CACNA1I: variants seen among roughly 807,000 people sequenced by gnomAD.
CACNA1I encodes the protein voltage-dependent T-type calcium channel subunit alpha-1I.
CACNA1I carries 74 observed loss-of-function variants against 201.6 expected under a neutral mutation model. The ratio of observed to expected loss-of-function variants is 0.37; its 90% CI spans 0.30 to 0.45. The LOEUF is 0.45. Ranked by LOEUF, CACNA1I falls within the 20% of genes least tolerant of loss-of-function variation. The pLI, the probability that CACNA1I is intolerant of heterozygous loss-of-function variation, is 1.00. For synonymous variants in CACNA1I, 1,431 were observed against 1,345.2 expected (o/e 1.06, Z -1.40); for missense variants, 2,346 against 3,138.1 (o/e 0.75, Z 6.03).
At position 39,592,578 on chromosome 22, in the gene CACNA1I, T is replaced by C. The variant is rs149504605; in HGVS notation, c.237-5573T>C. Among the ~76,000 whole-genome samples the C allele has an allele frequency of 1.6e-3, 240 of 152,290 alleles. 2 individuals carry two copies. The highest frequency in any genetic ancestry group is 0.014 in the Middle Eastern group (4 of 294). ...TGAAGTAGGCGAGGCAGCTGGGCCTTGGATGCCCGTCGCAGGGCTTCAAGC... is the reference window on the plus strand; with the variant it reads ...TGAAGTAGGCGAGGCAGCTGGGCCTCGGATGCCCGTCGCAGGGCTTCAAGC... On this transcript the variant is annotated intron_variant, in intron 1 of 36. Transcript: ENST00000402142.
At chr22:39,663,863 G>A in intron 19 of CACNA1I, 22 bp downstream of exon 19, 1 of 1,612,686 alleles carries the variant, frequency 6.2e-7, no homozygotes, top group Non-Finnish European at 8.5e-7. Context: ...TAGCCTTTGG[G>A]CAGGGCAGGC....
intron 4 of CACNA1I, among the ~76,000 whole-genome samples, chr22:39,624,416 T>C (rs572143215): frequency 9.8e-5 from 15 of 152,298 alleles, no homozygotes; most frequent in African/African-American, 3.6e-4. Flanking sequence ...CCGAGCGGGC[T>C]CCGAGCCTTT....
intron 4 of CACNA1I, among the ~76,000 whole-genome samples, chr22:39,625,868 AG>A (rs1206153267): frequency 6.6e-6 from 1 of 151,864 alleles, no homozygotes; most frequent in Non-Finnish European, 1.5e-5. Context: ...ACATCTCTCA[AG>A]GCACTGCCTT....
chr22:39,640,824 C>G, intron 5 of CACNA1I, 43 bp from the exon 6 acceptor site: 2 of 1,508,704 alleles, frequency 1.3e-6, no homozygotes, highest in Non-Finnish European at 9.0e-7. Context: ...CTGACAGTGA[C>G]CCCTCCCCTT....
At chr22:39,590,746 GA>G (rs1932811217) in intron 1 of CACNA1I, among the ~76,000 whole-genome samples, 1 of 152,238 alleles carries the variant, frequency 6.6e-6, no homozygotes, top group South Asian at 2.1e-4. Context: ...CCTTTCCTGT[GA>G]AGTGGGGATA....
intron 5 of CACNA1I, among the ~76,000 whole-genome samples, chr22:39,635,272 G>C (rs1378040903): frequency 6.6e-6 from 1 of 152,178 alleles, no homozygotes; most frequent in Non-Finnish European, 1.5e-5. Flanking sequence ...AGAAATAGGA[G>C]AGCATCTTCA....
chr22:39,591,908 G>T (rs1219112013), intron 1 of CACNA1I, among the ~76,000 whole-genome samples: 1 of 152,246 alleles, frequency 6.6e-6, no homozygotes, highest in African/African-American at 2.4e-5. Context: ...ACACTCAGGG[G>T]CACTGAAGAA....
intron 21 of CACNA1I, 37 bp downstream of exon 21, chr22:39,664,960 A>G (rs775515568): frequency 1.0e-5 from 16 of 1,596,328 alleles, no homozygotes; most frequent in Admixed American, 1.7e-5. Flanking sequence ...GGAAAGTGTC[A>G]TGCACTGTAC....
intron 1 of CACNA1I, among the ~76,000 whole-genome samples, chr22:39,584,126 A>G (rs1252776589): frequency 6.6e-6 from 1 of 152,298 alleles, no homozygotes; most frequent in South Asian, 2.1e-4. Flanking sequence ...ATCAGAGGAT[A>G]TGAGGCTACA....
At chr22:39,583,896 A>G (rs945735235) in intron 1 of CACNA1I, among the ~76,000 whole-genome samples, 2 of 152,234 alleles carry the variant, frequency 1.3e-5, no homozygotes, top group Non-Finnish European at 2.9e-5. Flanking sequence ...GGCCCTGCAC[A>G]TAGTAGGTGT....
At chr22:39,619,503 G>A in intron 4 of CACNA1I, 96 bp downstream of exon 4, 1 of 716,438 alleles carries the variant, frequency 1.4e-6, no homozygotes, top group Non-Finnish European at 2.2e-6. Context: ...CCCCCACCCT[G>A]CTTCGTTCAC....
chr22:39,628,842 C>T (rs1391993638), intron 4 of CACNA1I, among the ~76,000 whole-genome samples: 2 of 152,184 alleles, frequency 1.3e-5, no homozygotes, highest in Non-Finnish European at 2.9e-5. Context: ...GCCCCGACTC[C>T]ACTCTTCTGG....
intron 3 of CACNA1I, among the ~76,000 whole-genome samples, chr22:39,610,416 G>A (rs1240375523): frequency 6.6e-6 from 1 of 152,178 alleles, no homozygotes; most frequent in Non-Finnish European, 1.5e-5. Context: ...GAACCTTAGT[G>A]TGTTTTTCTC....
At chr22:39,662,676 G>C in intron 17 of CACNA1I, 100 bp from the exon 18 acceptor site, 1 of 868,464 alleles carries the variant, frequency 1.2e-6, no homozygotes, top group Non-Finnish European at 1.8e-6. Context: ...AGAGAGTTCG[G>C]AGGTGACCCT....
At chr22:39,646,537 C>G in intron 7 of CACNA1I, 32 bp from the exon 8 acceptor site, 1 of 1,512,248 alleles carries the variant, frequency 6.6e-7, no homozygotes, top group Non-Finnish European at 8.9e-7. Flanking sequence ...ATCCCTGTCC[C>G]TGTCCCTGTC....
intron 2 of CACNA1I, 107 bp from the exon 3 acceptor site, chr22:39,600,413 G>A: frequency 2.3e-6 from 2 of 880,210 alleles, no homozygotes; most frequent in South Asian, 3.2e-5. Flanking sequence ...TGTTTCCCAG[G>A]CCCCTTGCAT....
intron 3 of CACNA1I, among the ~76,000 whole-genome samples, chr22:39,610,261 C>T (rs919973559): frequency 1.3e-5 from 2 of 152,190 alleles, no homozygotes; most frequent in African/African-American, 2.4e-5. Flanking sequence ...ATCCTGAAGT[C>T]CCCAGAGCCG....
In CACNA1I at chr22:39,679,043, C is replaced by G. The variant is rs776527943; in HGVS notation, c.5056-64C>G. 6.7e-6 allele frequency: 9 copies of G among 1,344,798 alleles called. No individual in the cohort carries two copies. In the African/African-American group the frequency reaches 1.0e-4, roughly 15 times the overall value. 83.3% of individuals were successfully genotyped at this position (1,344,798 alleles called of 1,614,324 possible). On this transcript the variant is annotated intron_variant, in intron 31 of 36. Coordinates refer to ENST00000402142, the MANE Select transcript of CACNA1I (RefSeq NM_021096.4). The stretch of plus-strand genomic sequence containing the variant: ...CCTCCGAGCGTGGCCCTGGGCTGGC[C>G]TCTGCCTCCAGCAGCCTCTGGGATG...
intron 34 of CACNA1I, 49 bp downstream of exon 34, chr22:39,681,101 T>C: frequency 6.4e-7 from 1 of 1,561,764 alleles, no homozygotes; most frequent in Non-Finnish European, 8.7e-7. Context: ...CCTTGAAACC[T>C]GGCCCCTGCC....
Sources: allele counts gnomAD v4.1 joint callset (sites outside exome capture counted in the v4.1 genomes callset), GRCh38; gene constraint gnomAD v4.1.1; transcripts MANE v1.5; gene names NCBI Gene and HGNC (gene_info 2026-07-23, HGNC 2026-07-21).